The following FHIT variants were observed in gnomAD, a reference collection of about 807,000 sequenced individuals.
FHIT encodes bis(5'-adenosyl)-triphosphatase.
Under a neutral mutation model 17.9 loss-of-function variants are expected in FHIT, and 19 were observed. The observed-to-expected ratio is 1.06, with a 90% confidence interval of 0.74 to 1.56. FHIT has a LOEUF of 1.56. Ranked by LOEUF, FHIT falls within the 40% of genes most tolerant of loss-of-function variation. The pLI is 0.00. For missense variants in FHIT, 248 were observed against 189.2 expected (o/e 1.31, Z -1.82); for synonymous variants, 81 against 69.7 (o/e 1.16, Z -0.81).
intron 5 of FHIT, among the ~76,000 whole-genome samples, chr3:60,444,750 C>G (rs552687788): frequency 6.6e-6 from 1 of 151,446 alleles, no homozygotes; most frequent in Non-Finnish European, 1.5e-5. Flanking sequence ...TGCTGAATGA[C>G]GAGTTAATGG....
At chr3:60,663,637 A>G (rs1180026415) in intron 4 of FHIT, among the ~76,000 whole-genome samples, 3 of 151,952 alleles carry the variant, frequency 2.0e-5, no homozygotes, top group Non-Finnish European at 4.4e-5. Flanking sequence ...GGGTTTCATC[A>G]TGTTGGCCAG....
At chr3:59,866,095 TAGAC>T (rs1337852813) in intron 8 of FHIT, among the ~76,000 whole-genome samples, 4 of 152,134 alleles carry the variant, frequency 2.6e-5, no homozygotes, top group Non-Finnish European at 5.9e-5. Context: ...CAGAGAGTGA[TAGAC>T]GATACAGAGA....
At chr3:61,030,252 G>A (rs2032946900) in intron 3 of FHIT, among the ~76,000 whole-genome samples, 1 of 152,150 alleles carries the variant, frequency 6.6e-6, no homozygotes, top group Admixed American at 6.5e-5. Context: ...TTACAGGCGT[G>A]AGCCACCATG....
chr3:60,775,487 C>T (rs1472797115), intron 4 of FHIT, among the ~76,000 whole-genome samples: 2 of 152,148 alleles, frequency 1.3e-5, no homozygotes, highest in Non-Finnish European at 2.9e-5. Context: ...GGGAGACTCC[C>T]TCTTTCCCCT....
rs1310796696 is a variant in FHIT, at chr3:60,760,515, A to G, written c.-18+61404T>C. 4.6e-5 allele frequency among the ~76,000 whole-genome samples: 7 copies of G among 152,312 alleles called. No individual in the cohort carries two copies. The East Asian group carries it at 1.3e-3, about 29-fold the overall frequency. ...TGCTGAGCAGTGTGTTGGGCTTTAAACTGCCTTTCATATGAATCCACAAAT... is the reference window on the plus strand; with the variant it reads ...TGCTGAGCAGTGTGTTGGGCTTTAAGCTGCCTTTCATATGAATCCACAAAT... On this transcript the variant is annotated intron_variant, in intron 4 of 9. Transcript: ENST00000492590.
intron 5 of FHIT, among the ~76,000 whole-genome samples, chr3:60,535,388 T>C (rs1310873163): frequency 1.3e-5 from 2 of 152,220 alleles, no homozygotes; most frequent in Non-Finnish European, 2.9e-5. Flanking sequence ...TAGAGAGAGA[T>C]GGCATTTAAA....
chr3:59,852,452 A>T (rs995419792), intron 8 of FHIT, among the ~76,000 whole-genome samples: 2 of 152,140 alleles, frequency 1.3e-5, no homozygotes, highest in Non-Finnish European at 2.9e-5. Flanking sequence ...CCTGCCCCAC[A>T]TATGTTGCCT....
intron 5 of FHIT, among the ~76,000 whole-genome samples, chr3:60,496,955 CAAAT>C (rs1009473683): frequency 8.0e-5 from 12 of 149,252 alleles, no homozygotes; most frequent in Admixed American, 4.8e-4. Flanking sequence ...ACATTAAAAA[CAAAT>C]AAAAACAAAA....
intron 4 of FHIT, among the ~76,000 whole-genome samples, chr3:60,672,859 T>C (rs2040538138): frequency 9.9e-6 from 1 of 101,246 alleles, no homozygotes; most frequent in African/African-American, 3.1e-5. Flanking sequence ...GGTTTTTAAT[T>C]ATACCTCTTT....
At chr3:60,795,542 C>CCTCT (rs1207764390) in intron 4 of FHIT, among the ~76,000 whole-genome samples, 12 of 146,432 alleles carry the variant, frequency 8.2e-5, no homozygotes, top group African/African-American at 3.1e-4. Context: ...CTTACTCTGT[C>CCTCT]CTCTGTCTGT....
chr3:60,581,307 T>C (rs2037742038), intron 4 of FHIT, among the ~76,000 whole-genome samples: 2 of 152,144 alleles, frequency 1.3e-5, no homozygotes. Flanking sequence ...ATCACAGAGC[T>C]GACAAGTAGT....
chr3:60,832,534 G>A (rs995769416), intron 3 of FHIT, among the ~76,000 whole-genome samples: 11 of 152,132 alleles, frequency 7.2e-5, no homozygotes, highest in East Asian at 5.8e-4. Flanking sequence ...CTGTCATTCC[G>A]CAGATTGTGC....
At chr3:60,858,089 G>T (rs1553750440) in intron 3 of FHIT, among the ~76,000 whole-genome samples, 1 of 152,116 alleles carries the variant, frequency 6.6e-6, no homozygotes, top group Non-Finnish European at 1.5e-5. Flanking sequence ...GTTTGTCTTG[G>T]TCACTACTCC....
chr3:60,121,629 A>G (rs1029191532), intron 5 of FHIT, among the ~76,000 whole-genome samples: 2 of 152,020 alleles, frequency 1.3e-5, no homozygotes, highest in Non-Finnish European at 2.9e-5. Flanking sequence ...GGTGGCAGTG[A>G]GCTGAGATCA....
intron 5 of FHIT, among the ~76,000 whole-genome samples, chr3:60,016,996 A>T (rs2106712948): frequency 6.6e-6 from 1 of 152,368 alleles, no homozygotes; most frequent in East Asian, 1.9e-4. Flanking sequence ...GAAACTTGCC[A>T]CACCAGCACA....
At chr3:60,384,177 G>A (rs1430781440) in intron 5 of FHIT, among the ~76,000 whole-genome samples, 1 of 151,560 alleles carries the variant, frequency 6.6e-6, no homozygotes, top group African/African-American at 2.4e-5. Flanking sequence ...CTGAGGCAGG[G>A]GAATCACTTG....
chr3:60,065,986 C>T (rs1470780283), intron 5 of FHIT, among the ~76,000 whole-genome samples: 1 of 152,156 alleles, frequency 6.6e-6, no homozygotes, highest in Non-Finnish European at 1.5e-5. Context: ...CACTGCCTAC[C>T]TCCAGGAGGT....
intron 7 of FHIT, among the ~76,000 whole-genome samples, chr3:59,928,324 T>A (rs62238345): frequency 0.15 from 22,228 of 152,260 alleles, 2,048 homozygotes; most frequent in Middle Eastern, 0.25. Context: ...ACCTTAAGAT[T>A]GGCAGAGGTA....
Position 60,014,014 on chromosome 3 carries a change from G to C in FHIT, c.242C>G (p.Ser81Cys), listed in dbSNP as rs746933635. The C allele has an allele frequency of 2.0e-5, 33 of 1,613,904 alleles. No homozygotes were observed. The South Asian group carries it at 2.9e-4, about 14-fold the overall frequency. The change falls in exon 6 of 10, where the codon TCC becomes TGC. Residue 81 changes from serine (S) to cysteine (C), a missense_variant. Coordinates refer to ENST00000492590, the MANE Select transcript of FHIT (RefSeq NM_002012.4). ...KHFHGTSLTF[S>C]MQDGPEAGQT... ...AGAAATCTGTACACTCACCTGCATGGAAAAGGTGAGAGAGGTCCCATGGAA... is the reference window on the plus strand; with the variant it reads ...AGAAATCTGTACACTCACCTGCATGCAAAAGGTGAGAGAGGTCCCATGGAA...
Sources: allele counts gnomAD v4.1 joint callset (sites outside exome capture counted in the v4.1 genomes callset), GRCh38; gene constraint gnomAD v4.1.1; transcripts MANE v1.5; gene names NCBI Gene and HGNC (gene_info 2026-07-23, HGNC 2026-07-21).